The following PRKCH variants were observed in gnomAD, a reference collection of about 807,000 sequenced individuals.
PRKCH encodes protein kinase C eta type.
Under a neutral mutation model 82.5 loss-of-function variants are expected in PRKCH, and 28 were observed. That is an observed-to-expected ratio of 0.34 (90% CI 0.25 to 0.47). The LOEUF is 0.47. Ranked by LOEUF, PRKCH falls within the 20% of genes least tolerant of loss-of-function variation. The probability of loss-of-function intolerance (pLI) is 1.00; values close to 1 mark genes in which losing one functional copy is unlikely to be tolerated. For missense variants in PRKCH, 705 were observed against 881.8 expected, an observed-to-expected ratio of 0.80 and a Z score of 2.54; for synonymous variants, 322 against 327.4, an observed-to-expected ratio of 0.98 and a Z score of 0.18.
rs187023932 is a variant in PRKCH at position 61,324,158 on chromosome 14, A to G, written c.363+1694A>G. 2.6e-5 allele frequency among the ~76,000 whole-genome samples: 4 copies of G among 152,376 alleles called. No homozygotes were observed. In the East Asian group the frequency reaches 7.7e-4, roughly 29 times the overall value. ...TATGCAGTCGAGGTGGAGAACCTGC[A>G]GCCTACATGAAGACCAAAAGATGAG... On this transcript the variant is annotated intron_variant, in intron 1 of 13. Coordinates refer to ENST00000332981, the MANE Select transcript of PRKCH (RefSeq NM_006255.5).
intron 1 of PRKCH, among the ~76,000 whole-genome samples, chr14:61,215,575 C>A (rs937075853): frequency 4.6e-5 from 7 of 152,090 alleles, no homozygotes; most frequent in Non-Finnish European, 1.0e-4. Flanking sequence ...CCTTAGAAAA[C>A]CCTAACTAAT....
At chr14:61,249,053 C>A (rs768585978) in intron 1 of PRKCH, among the ~76,000 whole-genome samples, 2 of 152,126 alleles carry the variant, frequency 1.3e-5, no homozygotes, top group African/African-American at 4.8e-5. Flanking sequence ...TCGCCTGCCT[C>A]GGCCTCCCAA....
chr14:61,362,370 G>A (rs1219373076), intron 1 of PRKCH, among the ~76,000 whole-genome samples: 2 of 151,172 alleles, frequency 1.3e-5, no homozygotes, highest in Non-Finnish European at 2.9e-5. Context: ...GGAAACAAGG[G>A]GCCAAGGGAA....
intron 10 of PRKCH, among the ~76,000 whole-genome samples, chr14:61,488,926 G>A (rs7156745): frequency 0.013 from 1,917 of 152,232 alleles, 39 homozygotes; most frequent in African/African-American, 0.044. Flanking sequence ...CCATGTTCAG[G>A]CTCTAACTGA....
At chr14:61,200,674 A>G (rs1212759861) in intron 1 of PRKCH, among the ~76,000 whole-genome samples, 1 of 152,142 alleles carries the variant, frequency 6.6e-6, no homozygotes, top group Non-Finnish European at 1.5e-5. Context: ...CCCACGATTA[A>G]CCATGGTCTG....
At chr14:61,270,728 G>A (rs1344611786) in intron 1 of PRKCH, among the ~76,000 whole-genome samples, 1 of 152,140 alleles carries the variant, frequency 6.6e-6, no homozygotes. Flanking sequence ...ATCCCAGCAC[G>A]TAGTGAGACT....
chr14:61,321,889 T>A lies in PRKCH; in HGVS notation c.-213T>A. The A allele has an allele frequency of 1.2e-5, 6 of 494,176 alleles. No individual in the cohort carries two copies. The highest frequency in any genetic ancestry group is 2.2e-5 in the Non-Finnish European group (6 of 279,070). 30.6% of individuals were successfully genotyped at this position (494,176 alleles called of 1,614,324 possible). ...GCCCGCTGAGGGCTCGGCGGCGGGC[T>A]CCCCTCCTTTCCACCTCGGGAGGGA... is the stretch of plus-strand genomic sequence containing the variant. On this transcript the variant is annotated 5_prime_UTR_variant, in exon 1 of 14. Transcript: ENST00000332981. This position sits in a 1 kb window ranked among gnomAD's most constrained non-coding sequence, Gnocchi z 4.1.
At chr14:61,428,019 C>A (rs1049118313) in intron 2 of PRKCH, among the ~76,000 whole-genome samples, 6 of 144,528 alleles carry the variant, frequency 4.2e-5, no homozygotes, top group Non-Finnish European at 9.1e-5. Flanking sequence ...CATGGTGAAA[C>A]CTCATCTCCA....
At chr14:61,218,961 G>A (rs1384181881) in intron 1 of PRKCH, among the ~76,000 whole-genome samples, 4 of 152,290 alleles carry the variant, frequency 2.6e-5, no homozygotes, top group East Asian at 3.9e-4. Flanking sequence ...GGCTTCCACC[G>A]CAGCCTTGGC....
At chr14:61,368,284 C>T (rs1203146437) in intron 1 of PRKCH, among the ~76,000 whole-genome samples, 1 of 151,630 alleles carries the variant, frequency 6.6e-6, no homozygotes, top group Non-Finnish European at 1.5e-5. Context: ...TCTTCTCTGG[C>T]TATTACCAGT....
chr14:61,438,858 G>A (rs763809034), intron 2 of PRKCH, among the ~76,000 whole-genome samples: 74 of 152,330 alleles, frequency 4.9e-4, no homozygotes, highest in Middle Eastern at 3.4e-3. Flanking sequence ...TGGGATTTTA[G>A]AATAGTTAAT....
In PRKCH at chr14:61,217,377, A is replaced by T. The variant is rs2044623380; in HGVS notation, c.-19+29709A>T. Among the ~76,000 whole-genome samples, 4 of 152,120 alleles carry T rather than the reference A, an allele frequency of 2.6e-5. No individual in the cohort carries two copies. The South Asian group carries it at 8.3e-4, about 32-fold the overall frequency. ...CAGTGAGCCATGTTCATGCCACTACACTCCAGCCTAGGTGACGGAGCAAGA... is the reference window on the plus strand; with the variant it reads ...CAGTGAGCCATGTTCATGCCACTACTCTCCAGCCTAGGTGACGGAGCAAGA... On this transcript the variant is annotated intron_variant, in intron 1 of 3. Coordinates refer to the PRKCH transcript ENST00000555185.
At chr14:61,419,529 A>T (rs1191548654) in intron 2 of PRKCH, among the ~76,000 whole-genome samples, 3 of 152,204 alleles carry the variant, frequency 2.0e-5, no homozygotes, top group African/African-American at 7.2e-5. Context: ...ACATTGCAAA[A>T]TGTCCACTGG....
chr14:61,378,224 C>CTTTTTT (rs552301917), intron 1 of PRKCH, among the ~76,000 whole-genome samples: 2 of 139,470 alleles, frequency 1.4e-5, no homozygotes, highest in African/African-American at 5.4e-5. Context: ...TTTTCTTTTT[C>CTTTTTT]TTTTTTTTTT....
chr14:61,242,543 G>A (rs116756645), intron 1 of PRKCH, among the ~76,000 whole-genome samples: 1,679 of 152,064 alleles, frequency 0.011, 27 homozygotes, highest in African/African-American at 0.037. Context: ...GATTACAGGC[G>A]TCTGCCACCA....
At chr14:61,454,562 A>T (rs956931840) in intron 7 of PRKCH, among the ~76,000 whole-genome samples, 2 of 152,192 alleles carry the variant, frequency 1.3e-5, no homozygotes, top group African/African-American at 4.8e-5. Context: ...CAACTTGAAG[A>T]TCTCAGAGGC....
At chr14:61,341,766 G>C (rs551333007) in intron 1 of PRKCH, among the ~76,000 whole-genome samples, 1 of 152,276 alleles carries the variant, frequency 6.6e-6, no homozygotes, top group African/African-American at 2.4e-5. Context: ...TCCTCTTTGG[G>C]ATTTGTATTT....
intron 2 of PRKCH, among the ~76,000 whole-genome samples, chr14:61,414,712 C>G (rs1302147538): frequency 6.6e-6 from 1 of 151,800 alleles, no homozygotes; most frequent in Non-Finnish European, 1.5e-5. Flanking sequence ...AACTCCTAAC[C>G]TCGTGATCCG....
chr14:61,326,610 G>GA (rs35368004), intron 1 of PRKCH, among the ~76,000 whole-genome samples: 3 of 152,090 alleles, frequency 2.0e-5, no homozygotes, highest in African/African-American at 4.8e-5. Flanking sequence ...AAGCTGTGGG[G>GA]AAAAAAACCA....
Sources: allele counts gnomAD v4.1 joint callset (sites outside exome capture counted in the v4.1 genomes callset), GRCh38; gene constraint gnomAD v4.1.1; non-coding constraint Gnocchi (gnomAD v3.1); transcripts MANE v1.5; gene names NCBI Gene and HGNC (gene_info 2026-07-23, HGNC 2026-07-21).